Variants in RSRC1 observed in about 807,000 individuals in gnomAD.
RSRC1 encodes the protein arginine and serine rich coiled-coil 1.
RSRC1 carries 39 observed loss-of-function variants against 49.1 expected under a neutral mutation model. The ratio of observed to expected loss-of-function variants is 0.79; its 90% confidence interval spans 0.61 to 1.04. The LOEUF is 1.04. Ranked by LOEUF, RSRC1 falls within the 50% of genes least tolerant of loss-of-function variation. The pLI, the probability that RSRC1 is intolerant of heterozygous loss-of-function variation, is 0.00. For missense variants in RSRC1, 388 were observed against 402.4 expected, an observed-to-expected ratio of 0.96 and a Z score of 0.31; for synonymous variants, 143 against 130.8, an observed-to-expected ratio of 1.09 and a Z score of -0.63.
intron 4 of RSRC1, among the ~76,000 whole-genome samples, chr3:158,225,218 A>G (rs1458215151): frequency 6.6e-6 from 1 of 151,792 alleles, no homozygotes; most frequent in African/African-American, 2.4e-5. Context: ...TAAGTGATAC[A>G]TTTTTCCAAG....
intron 7 of RSRC1, among the ~76,000 whole-genome samples, chr3:158,497,355 G>C (rs1026977387): frequency 1.3e-5 from 2 of 151,494 alleles, no homozygotes; most frequent in Admixed American, 1.3e-4. Flanking sequence ...CATCACCTGA[G>C]CAGTATACAC....
At chr3:158,333,600 A>G (rs538872907) in intron 5 of RSRC1, among the ~76,000 whole-genome samples, 1 of 152,362 alleles carries the variant, frequency 6.6e-6, no homozygotes, top group South Asian at 2.1e-4. Context: ...TATTGTAAAA[A>G]GCATTCTAGT....
chr3:158,441,951 T>A (rs1016345946), intron 6 of RSRC1, among the ~76,000 whole-genome samples: 1 of 152,150 alleles, frequency 6.6e-6, no homozygotes, highest in African/African-American at 2.4e-5. Flanking sequence ...GCCACAGTAA[T>A]GCAAATCACA....
At chr3:158,342,120 C>T (rs996398518) in intron 5 of RSRC1, among the ~76,000 whole-genome samples, 1 of 152,142 alleles carries the variant, frequency 6.6e-6, no homozygotes, top group Non-Finnish European at 1.5e-5. Flanking sequence ...TTTGCTTTGT[C>T]TCAGATGATA....
chr3:158,219,829 T>G (rs1035571447), intron 4 of RSRC1, among the ~76,000 whole-genome samples: 1 of 151,574 alleles, frequency 6.6e-6, no homozygotes, highest in Non-Finnish European at 1.5e-5. Context: ...AACTTACCAG[T>G]TATTTAATAC....
chr3:158,493,035 G>T (rs556837825), intron 7 of RSRC1, among the ~76,000 whole-genome samples: 1 of 152,244 alleles, frequency 6.6e-6, no homozygotes, highest in Admixed American at 6.5e-5. Context: ...ATAACGACAG[G>T]CAATAAACCA....
At chr3:158,240,418 G>C (rs1002495777) in intron 4 of RSRC1, among the ~76,000 whole-genome samples, 1 of 151,908 alleles carries the variant, frequency 6.6e-6, no homozygotes, top group South Asian at 2.1e-4. Flanking sequence ...ACCCAGGAAT[G>C]GGGTAAATAA....
At chr3:158,203,748 AGGG>A (rs993703853) in intron 4 of RSRC1, among the ~76,000 whole-genome samples, 2 of 152,164 alleles carry the variant, frequency 1.3e-5, no homozygotes, top group African/African-American at 4.8e-5. Flanking sequence ...GGGCAATATT[AGGG>A]TATGTGTGTG....
chr3:158,290,195 A>G (rs1189666000), intron 4 of RSRC1, among the ~76,000 whole-genome samples: 1 of 152,164 alleles, frequency 6.6e-6, no homozygotes, highest in Non-Finnish European at 1.5e-5. Flanking sequence ...GTAAGGCGAG[A>G]AAAATTTGAG....
chr3:158,432,202 A>C (rs1027159461), intron 6 of RSRC1, among the ~76,000 whole-genome samples: 11 of 151,946 alleles, frequency 7.2e-5, no homozygotes, highest in African/African-American at 2.4e-4. Flanking sequence ...CTCCAAAGGC[A>C]GATTTATGAA....
chr3:158,118,428 T>TGC, intron 1 of RSRC1, among the ~76,000 whole-genome samples: 1 of 118,526 alleles, frequency 8.4e-6, no homozygotes, highest in African/African-American at 3.5e-5. Flanking sequence ...TGTGTGTGTG[T>TGC]GTGTGTGTGT....
At chr3:158,381,254 A>G (rs1246686795) in intron 6 of RSRC1, among the ~76,000 whole-genome samples, 1 of 150,126 alleles carries the variant, frequency 6.7e-6, no homozygotes, top group Non-Finnish European at 1.5e-5. Flanking sequence ...TAACTGCACA[A>G]TTAACTGTTA....
At chr3:158,444,201 A>G (rs1038939177) in intron 6 of RSRC1, among the ~76,000 whole-genome samples, 1 of 152,166 alleles carries the variant, frequency 6.6e-6, no homozygotes, top group Non-Finnish European at 1.5e-5. Context: ...CATTGCCAAG[A>G]CAATCCTAAG....
intron 5 of RSRC1, among the ~76,000 whole-genome samples, chr3:158,308,700 T>A (rs2682406): frequency 0.48 from 73,085 of 151,714 alleles, 18,236 homozygotes; most frequent in East Asian, 0.64. Context: ...ATGCGCTTAA[T>A]CTTAATGGTA....
intron 3 of RSRC1, among the ~76,000 whole-genome samples, chr3:158,171,981 A>C (rs1165924253): frequency 6.6e-6 from 1 of 151,094 alleles, no homozygotes; most frequent in East Asian, 1.9e-4. Flanking sequence ...ACAACAACAA[A>C]AACCATACAT....
intron 6 of RSRC1, among the ~76,000 whole-genome samples, chr3:158,423,797 T>C (rs1735234036): frequency 6.6e-6 from 1 of 152,046 alleles, no homozygotes. Context: ...TTCACATCCC[T>C]TGTAAGTTGG....
At chr3:158,513,860 T>C (rs1740339190) in intron 7 of RSRC1, among the ~76,000 whole-genome samples, 1 of 152,354 alleles carries the variant, frequency 6.6e-6, no homozygotes, top group East Asian at 1.9e-4. Context: ...AGTGTATGTG[T>C]CAAGGAATTT....
chr3:158,407,707 G>T (rs1229927118), intron 6 of RSRC1, among the ~76,000 whole-genome samples: 1 of 152,010 alleles, frequency 6.6e-6, no homozygotes, highest in Non-Finnish European at 1.5e-5. Flanking sequence ...ATTAATAATA[G>T]TTCTTTTTAA....
At chr3:158,260,194 G>A (rs1039735977) in intron 4 of RSRC1, among the ~76,000 whole-genome samples, 2 of 152,058 alleles carry the variant, frequency 1.3e-5, no homozygotes, top group East Asian at 1.9e-4. Context: ...GGGTTACACC[G>A]CAAGCCAGCT....
Sources: gnomAD v4.1 joint callset for allele counts (sites outside exome capture counted in the v4.1 genomes callset) on GRCh38, gnomAD v4.1.1 for gene constraint, MANE v1.5 for transcripts, NCBI Gene and HGNC (gene_info 2026-07-23, HGNC 2026-07-21) for gene names.